The following GRM8 variants were observed in gnomAD, a reference collection of about 807,000 sequenced individuals.
GRM8 encodes glutamate metabotropic receptor 8.
In GRM8, 47 loss-of-function variants were observed where a neutral mutation model predicts 87.2. The ratio of observed to expected loss-of-function variants is 0.54; its 90% CI spans 0.43 to 0.69. The LOEUF is 0.69. Ranked by LOEUF, GRM8 falls within the 30% of genes least tolerant of loss-of-function variation. The pLI is 0.00. For missense variants in GRM8, 1,019 were observed against 1,139.2 expected (o/e 0.89, Z 1.52); for synonymous variants, 396 against 404.5 (o/e 0.98, Z 0.25).
intron 9 of GRM8, among the ~76,000 whole-genome samples, chr7:126,501,668 G>A (rs763555011): frequency 3.5e-4 from 53 of 151,928 alleles, no homozygotes; most frequent in African/African-American, 1.2e-3. Context: ...GAATCAGGCC[G>A]GACAAGTTCT....
chr7:126,502,987 C>T (rs1242413306), intron 9 of GRM8, among the ~76,000 whole-genome samples: 1 of 151,980 alleles, frequency 6.6e-6, no homozygotes, highest in Admixed American at 6.6e-5. Flanking sequence ...TCAAGCCTTT[C>T]ATGAGGACCT....
chr7:126,448,198 C>T lies in GRM8; in HGVS notation c.2431-1826G>A, dbSNP rs150204535. Reference sequence around the variant, plus strand: ...ACCACACCCATACATGTTCCAATGCCAGTCAAATAGAAAACCACCAGTCAG... The same window carrying T: ...ACCACACCCATACATGTTCCAATGCTAGTCAAATAGAAAACCACCAGTCAG... On this transcript the variant is annotated intron_variant, in intron 9 of 10. Coordinates refer to ENST00000339582, the MANE Select transcript of GRM8 (RefSeq NM_000845.3). 3.7e-3 allele frequency among the ~76,000 whole-genome samples: 566 copies of T among 151,902 alleles called. 3 individuals carry two copies. Among genetic ancestry groups the T allele is most frequent in the African/African-American group, 0.013 (543 of 41,498 alleles).
intron 7 of GRM8, among the ~76,000 whole-genome samples, chr7:126,716,973 G>A (rs1390294112): frequency 6.6e-6 from 1 of 152,138 alleles, no homozygotes; most frequent in Non-Finnish European, 1.5e-5. Flanking sequence ...ATCTTTTGAG[G>A]TGGAGAAAAG....
intron 2 of GRM8, among the ~76,000 whole-genome samples, chr7:127,153,025 G>A (rs1350926060): frequency 6.6e-6 from 1 of 151,936 alleles, no homozygotes; most frequent in South Asian, 2.1e-4. Flanking sequence ...TTTTCTCAAC[G>A]TGAATATCAG....
In GRM8 at chr7:127,125,000, C is replaced by T. The variant is rs1396062630; in HGVS notation, c.511-18288G>A. On this transcript the variant is annotated intron_variant, in intron 2 of 10. Transcript: ENST00000339582. ...AGCTTATTAAGACTATACAGAAATA[C>T]CCTCAACGTGATAATGGACATCTGT... 3.3e-5 allele frequency among the ~76,000 whole-genome samples: 5 copies of T among 152,116 alleles called. No homozygotes were observed. In the East Asian group the frequency reaches 9.7e-4, roughly 29 times the overall value.
chr7:126,616,756 A>C (rs1411616799), intron 7 of GRM8, among the ~76,000 whole-genome samples: 1 of 152,224 alleles, frequency 6.6e-6, no homozygotes, highest in Non-Finnish European at 1.5e-5. Flanking sequence ...ACCACTGCGG[A>C]AATAAACTAG....
chr7:126,956,502 T>C (rs1356129671), intron 3 of GRM8, among the ~76,000 whole-genome samples: 5 of 152,342 alleles, frequency 3.3e-5, no homozygotes, highest in Non-Finnish European at 7.3e-5. Context: ...TTTTTTATTA[T>C]ACTTTAAGTT....
At chr7:126,922,546 G>A (rs773374916) in intron 3 of GRM8, among the ~76,000 whole-genome samples, 1 of 152,132 alleles carries the variant, frequency 6.6e-6, no homozygotes, top group Non-Finnish European at 1.5e-5. Flanking sequence ...GCACGGGGAG[G>A]GCAGTGGGTT....
rs191143071 is a variant in GRM8 at position 126,474,059 on chromosome 7, T to G, written c.2431-27687A>C. 5.3e-5 allele frequency among the ~76,000 whole-genome samples: 8 copies of G among 152,282 alleles called. 1 individual carries two copies. The highest frequency in any genetic ancestry group is 1.9e-4 in the African/African-American group (8 of 41,568). On this transcript the variant is annotated intron_variant, in intron 9 of 10. Coordinates refer to ENST00000339582, the MANE Select transcript of GRM8 (RefSeq NM_000845.3). ...CTAATGTATCATTTTTATATTCGTTTTATATTCATTGTTCTCTCAGCAATA... is the reference window on the plus strand; with the variant it reads ...CTAATGTATCATTTTTATATTCGTTGTATATTCATTGTTCTCTCAGCAATA...
At chr7:126,782,430 T>G (rs1292548753) in intron 6 of GRM8, among the ~76,000 whole-genome samples, 1 of 152,170 alleles carries the variant, frequency 6.6e-6, no homozygotes, top group Non-Finnish European at 1.5e-5. Context: ...TTCTCTCCCA[T>G]TGTAATTAAG....
intron 3 of GRM8, among the ~76,000 whole-genome samples, chr7:126,938,371 T>C (rs1197655426): frequency 6.6e-6 from 1 of 152,098 alleles, no homozygotes; most frequent in Admixed American, 6.5e-5. Context: ...CTAAACAACA[T>C]CTATGTTGTT....
At chr7:126,614,090 C>T (rs1799197039) in intron 7 of GRM8, among the ~76,000 whole-genome samples, 1 of 152,176 alleles carries the variant, frequency 6.6e-6, no homozygotes, top group Non-Finnish European at 1.5e-5. Context: ...TCAAGTAGGT[C>T]CCTGACCTCC....
intron 3 of GRM8, among the ~76,000 whole-genome samples, chr7:127,083,971 G>A (rs907992286): frequency 3.3e-5 from 5 of 152,018 alleles, no homozygotes; most frequent in East Asian, 3.9e-4. Context: ...CATACTACCC[G>A]GAAATATGAG....
intron 1 of GRM8, among the ~76,000 whole-genome samples, chr7:127,251,417 C>T (rs1158037801): frequency 8.5e-5 from 13 of 152,120 alleles, no homozygotes; most frequent in Non-Finnish European, 1.5e-4. Flanking sequence ...TCTGGCTGGG[C>T]GGATGGGCTT....
intron 3 of GRM8, among the ~76,000 whole-genome samples, chr7:126,907,468 C>T (rs1276960487): frequency 2.0e-5 from 3 of 151,930 alleles, no homozygotes; most frequent in Non-Finnish European, 4.4e-5. Context: ...GGGAAAGCCA[C>T]CCTAAAGTTG....
At chr7:126,863,701 TA>T (rs1288062672) in intron 6 of GRM8, among the ~76,000 whole-genome samples, 1 of 152,204 alleles carries the variant, frequency 6.6e-6, no homozygotes, top group African/African-American at 2.4e-5. Context: ...AAGTCTTCTA[TA>T]TTTTTTCTAA....
intron 7 of GRM8, among the ~76,000 whole-genome samples, chr7:126,624,622 C>T (rs1396161625): frequency 6.6e-6 from 1 of 152,184 alleles, no homozygotes; most frequent in Non-Finnish European, 1.5e-5. Context: ...ATATATATAG[C>T]TCAGACTATT....
intron 3 of GRM8, among the ~76,000 whole-genome samples, chr7:127,087,114 A>AT (rs1321730161): frequency 6.6e-6 from 1 of 152,220 alleles, no homozygotes; most frequent in Non-Finnish European, 1.5e-5. Flanking sequence ...GTGACAGGAC[A>AT]TTAACACAGG....
At chr7:126,646,470 C>T (rs1469743559) in intron 7 of GRM8, among the ~76,000 whole-genome samples, 1 of 152,102 alleles carries the variant, frequency 6.6e-6, no homozygotes. Context: ...TCCTTCATCC[C>T]TCTGTAATTT....
Sources: allele counts gnomAD v4.1 joint callset (sites outside exome capture counted in the v4.1 genomes callset), GRCh38; gene constraint gnomAD v4.1.1; transcripts MANE v1.5; gene names NCBI Gene and HGNC (gene_info 2026-07-23, HGNC 2026-07-21).